Variants in PKP1 observed in about 807,000 individuals in gnomAD.
The protein encoded by PKP1 is plakophilin-1.
A neutral mutation model predicts 76.4 loss-of-function variants in PKP1; 27 were observed. The observed-to-expected ratio is 0.35, with a 90% CI of 0.26 to 0.49. PKP1 has a LOEUF of 0.49. PKP1 is among the 20% of genes least tolerant of loss of function. The pLI is 0.99. For missense variants in PKP1, 964 were observed against 955.2 expected (o/e 1.01, Z -0.12); for synonymous variants, 404 against 384.2 (o/e 1.05, Z -0.60).
At position 201,321,921 on chromosome 1, in the gene PKP1, C is replaced by T. The variant is rs1304476749; in HGVS notation, c.1348-57C>T. The T allele has an allele frequency of 5.6e-6, 9 of 1,603,768 alleles. No homozygotes were observed. The East Asian group carries it at 2.0e-4, about 36-fold the overall frequency. ...CTTATTAGCTAGGGTAGGTGGTAGG[C>T]CAGGAGCCTGTCGGGCCGGGCAGAG... On this transcript the variant is annotated intron_variant, in intron 7 of 13. Transcript: ENST00000367324.
chr1:201,316,969 C>A (rs554018465), intron 4 of PKP1, among the ~76,000 whole-genome samples: 3 of 152,258 alleles, frequency 2.0e-5, no homozygotes, highest in South Asian at 4.1e-4. Context: ...CAACAGAAAC[C>A]CCTTTTCTCA....
At chr1:201,287,351 A>T (rs1009695990) in intron 1 of PKP1, among the ~76,000 whole-genome samples, 3 of 152,202 alleles carry the variant, frequency 2.0e-5, no homozygotes, top group Non-Finnish European at 4.4e-5. Context: ...AGCTCGCCTC[A>T]GGAGCCCCCA....
In PKP1 at chr1:201,332,319, GAC is replaced by G. The variant is rs1253953726; in HGVS notation, c.*2279_*2280del. On this transcript the variant is annotated 3_prime_UTR_variant, in exon 14 of 14. Coordinates refer to ENST00000367324, the MANE Select transcript of PKP1 (RefSeq NM_001005337.3). ...GCCCTGGGAACCAGGCAGCCTTCCA[GAC>G]CTCAGGGGCTGAGGCAGACTATTAG... is the stretch of plus-strand genomic sequence containing the variant. 2.0e-5 allele frequency: 3 copies of G among 152,400 alleles called. No homozygotes were observed. The highest frequency in any genetic ancestry group is 2.9e-5 in the Non-Finnish European group (2 of 68,084). 9.4% of individuals were successfully genotyped at this position (152,400 alleles called of 1,614,324 possible). A position where few individuals can be genotyped will look rare whatever the true frequency, so the allele number is the denominator to read the frequency against.
chr1:201,291,259 G>A (rs1655909097), intron 1 of PKP1, among the ~76,000 whole-genome samples: 1 of 152,156 alleles, frequency 6.6e-6, no homozygotes, highest in African/African-American at 2.4e-5. Flanking sequence ...CTACAGATAG[G>A]TCTTAGGAGA....
At chr1:201,289,233 A>G (rs1207146296) in intron 1 of PKP1, among the ~76,000 whole-genome samples, 2 of 152,186 alleles carry the variant, frequency 1.3e-5, no homozygotes, top group Middle Eastern at 3.2e-3. Flanking sequence ...AGTTCTTGTT[A>G]TCTCATTTAA....
chr1:201,325,931 A>T, intron 12 of PKP1, 93 bp downstream of exon 12: 1 of 889,460 alleles, frequency 1.1e-6, no homozygotes, highest in East Asian at 2.5e-5. Flanking sequence ...GGCACTAGAG[A>T]AACGCCCCTG....
chr1:201,327,539 G>A (rs1657164343), intron 12 of PKP1, among the ~76,000 whole-genome samples: 1 of 152,190 alleles, frequency 6.6e-6, no homozygotes, highest in African/African-American at 2.4e-5. Context: ...GGCAGGTAAG[G>A]AGGACTGGTG....
chr1:201,285,576 T>C (rs1655708562), intron 1 of PKP1, among the ~76,000 whole-genome samples: 1 of 152,222 alleles, frequency 6.6e-6, no homozygotes, highest in Admixed American at 6.5e-5. Flanking sequence ...CCCCCATTTC[T>C]GGCTACAGCC....
At chr1:201,314,385 C>G (rs1196470189) in intron 3 of PKP1, among the ~76,000 whole-genome samples, 2 of 152,124 alleles carry the variant, frequency 1.3e-5, no homozygotes, top group Admixed American at 6.5e-5. Context: ...TCACTTAAGC[C>G]CGGGAGGGGG....
intron 2 of PKP1, among the ~76,000 whole-genome samples, chr1:201,303,945 C>T (rs545804735): frequency 4.6e-5 from 7 of 152,314 alleles, no homozygotes; most frequent in South Asian, 4.1e-4. Flanking sequence ...AGGTGACCTG[C>T]CCCACGCCTG....
intron 13 of PKP1, 71 bp from the exon 14 acceptor site, chr1:201,330,003 G>C (rs1468008486): frequency 1.3e-5 from 2 of 152,260 alleles, no homozygotes; most frequent in Non-Finnish European, 2.9e-5. Flanking sequence ...GAGGGTGGCA[G>C]TACAGGCTGG....
chr1:201,288,608 A>C (rs1655807929), intron 1 of PKP1, among the ~76,000 whole-genome samples: 1 of 152,136 alleles, frequency 6.6e-6, no homozygotes, highest in Non-Finnish European at 1.5e-5. Context: ...ACCCCTATAC[A>C]ATGACATACA....
intron 3 of PKP1, 40 bp downstream of exon 3, chr1:201,313,600 A>G: frequency 6.3e-7 from 1 of 1,595,488 alleles, no homozygotes. Context: ...CAGGAGGGCC[A>G]GTGGGGAGAC....
At chr1:201,326,573 A>C (rs1173396778) in intron 12 of PKP1, among the ~76,000 whole-genome samples, 4 of 152,246 alleles carry the variant, frequency 2.6e-5, no homozygotes, top group Admixed American at 6.5e-5. Context: ...CTTGGAGACT[A>C]TGGTTATATT....
chr1:201,293,733 C>A (rs1157515784), intron 1 of PKP1, among the ~76,000 whole-genome samples: 1 of 152,168 alleles, frequency 6.6e-6, no homozygotes, highest in African/African-American at 2.4e-5. Context: ...GCTGTCCCTG[C>A]AGGAGTCTGT....
At chr1:201,324,354 T>C in intron 9 of PKP1, 74 bp from the exon 10 acceptor site, 2 of 1,495,430 alleles carry the variant, frequency 1.3e-6, no homozygotes, top group Non-Finnish European at 1.9e-6. Context: ...CCTTTGGGGC[T>C]CCTTGCCCCT....
At chr1:201,311,710 G>A (rs956751446) in intron 2 of PKP1, among the ~76,000 whole-genome samples, 1 of 152,044 alleles carries the variant, frequency 6.6e-6, no homozygotes, top group Non-Finnish European at 1.5e-5. Flanking sequence ...TCAGGGAGGG[G>A]CAGGGGTGGG....
rs115969365 is a variant in PKP1, at chr1:201,300,758, G to A, written c.306+6713G>A. Among the ~76,000 whole-genome samples, 670 of 152,316 alleles carry A rather than the reference G, an allele frequency of 4.4e-3. 5 individuals are homozygous for A. The highest frequency in any genetic ancestry group is 0.015 in the African/African-American group (644 of 41,562). ...TCAGCAGCATGGGCTTGCAAAGGGA[G>A]GAGGACACGGTTCCAGTGAACAAAT... On this transcript the variant is annotated intron_variant, in intron 2 of 13. Transcript: ENST00000367324.
intron 3 of PKP1, 54 bp downstream of exon 3, chr1:201,313,614 C>T (rs1656636183): frequency 1.9e-6 from 3 of 1,567,974 alleles, no homozygotes; most frequent in Admixed American, 1.7e-5. Context: ...GGGAGACACA[C>T]CCTTAGCCTG....
Sources: allele counts gnomAD v4.1 joint callset (sites outside exome capture counted in the v4.1 genomes callset), GRCh38; gene constraint gnomAD v4.1.1; transcripts MANE v1.5; gene names NCBI Gene and HGNC (gene_info 2026-07-23, HGNC 2026-07-21).